Variants in ITPR2 observed in about 807,000 individuals in gnomAD.
ITPR2 encodes the protein inositol 1,4,5-trisphosphate receptor type 2, also known as inositol 1,4,5-trisphosphate-gated calcium channel ITPR2.
In ITPR2, 207 loss-of-function variants were observed where a neutral mutation model predicts 317.1. That is an observed-to-expected ratio of 0.65 (90% confidence interval 0.58 to 0.73). ITPR2 has a LOEUF of 0.73. ITPR2 is among the 30% of genes least tolerant of loss of function. The probability of loss-of-function intolerance (pLI) is 0.00; values close to 1 mark genes in which losing one functional copy is unlikely to be tolerated. For missense variants in ITPR2, 2,613 were observed against 3,284.0 expected, an observed-to-expected ratio of 0.80 and a Z score of 4.99; for synonymous variants, 1,156 against 1,149.1, an observed-to-expected ratio of 1.01 and a Z score of -0.12.
intron 21 of ITPR2, among the ~76,000 whole-genome samples, chr12:26,647,898 G>A (rs775426807): frequency 3.3e-5 from 5 of 152,098 alleles, no homozygotes; most frequent in Non-Finnish European, 5.9e-5. Flanking sequence ...TTTTCTGAAC[G>A]GACCACCTTT....
chr12:26,443,480 T>C, intron 46 of ITPR2, 63 bp downstream of exon 46: 1 of 1,309,810 alleles, frequency 7.6e-7, no homozygotes, highest in Non-Finnish European at 1.1e-6. Context: ...GAAAATGGTC[T>C]AAAATAGGAA....
At chr12:26,583,349 G>A (rs1591927506) in intron 32 of ITPR2, among the ~76,000 whole-genome samples, 2 of 152,054 alleles carry the variant, frequency 1.3e-5, no homozygotes, top group African/African-American at 2.4e-5. Flanking sequence ...TGCACATTTA[G>A]TATGAGTTTA....
At position 26,624,642 on chromosome 12, in the gene ITPR2, G is replaced by C. The variant is rs561154312; in HGVS notation, c.3065-286C>G. ...TACAATGAGATATCATCTCACCCCA[G>C]TTAAAATGACTTTTATCCAACAAAC... On this transcript the variant is annotated intron_variant, in intron 23 of 56. Coordinates refer to ENST00000381340, the MANE Select transcript of ITPR2 (RefSeq NM_002223.4). Among the ~76,000 whole-genome samples, 9 of 152,228 alleles carry C rather than the reference G, an allele frequency of 5.9e-5. No individual in the cohort carries two copies. The East Asian group carries it at 1.7e-3, about 29-fold the overall frequency.
intron 37 of ITPR2, among the ~76,000 whole-genome samples, chr12:26,527,424 T>C (rs539638226): frequency 1.9e-4 from 29 of 152,366 alleles, no homozygotes; most frequent in African/African-American, 6.5e-4. Context: ...ACACCACCAA[T>C]CAGTATAGTT....
intron 37 of ITPR2, among the ~76,000 whole-genome samples, chr12:26,501,784 G>A (rs950931530): frequency 5.9e-5 from 9 of 152,200 alleles, no homozygotes; most frequent in African/African-American, 2.2e-4. Context: ...TTTCTACCAT[G>A]TGTCAGGAAG....
intron 2 of ITPR2, among the ~76,000 whole-genome samples, chr12:26,754,534 G>A (rs1366203768): frequency 3.3e-5 from 5 of 152,204 alleles, no homozygotes; most frequent in South Asian, 2.1e-4. Context: ...TTTTACATGC[G>A]AGGTGTATAA....
chr12:26,564,838 T>C (rs1479588446), intron 34 of ITPR2, among the ~76,000 whole-genome samples: 1 of 152,206 alleles, frequency 6.6e-6, no homozygotes, highest in Non-Finnish European at 1.5e-5. Flanking sequence ...CTCCAAATTG[T>C]GAGACACTAA....
chr12:26,490,876 AC>A (rs1160859180), intron 39 of ITPR2, among the ~76,000 whole-genome samples: 4 of 152,246 alleles, frequency 2.6e-5, no homozygotes, highest in Non-Finnish European at 5.9e-5. Context: ...ACAGGTTATA[AC>A]AGGGGCACAT....
intron 55 of ITPR2, among the ~76,000 whole-genome samples, chr12:26,349,823 G>A (rs964036413): frequency 6.6e-6 from 1 of 152,208 alleles, no homozygotes; most frequent in Non-Finnish European, 1.5e-5. Flanking sequence ...ATTTAATCTA[G>A]TCATTGCTCC....
At chr12:26,769,026 C>CACACACACACACACACA (rs201911951) in intron 2 of ITPR2, among the ~76,000 whole-genome samples, 5 of 149,734 alleles carry the variant, frequency 3.3e-5, no homozygotes, top group Non-Finnish European at 4.4e-5. Context: ...CACACACACA[C>CACACACACACACACACA]CCCAATCTCA....
chr12:26,677,407 C>G (rs1267828538), intron 13 of ITPR2, among the ~76,000 whole-genome samples: 1 of 152,032 alleles, frequency 6.6e-6, no homozygotes, highest in African/African-American at 2.4e-5. Flanking sequence ...TCAGATTAGC[C>G]TGGGCAACAC....
chr12:26,380,455 T>C (rs1444888147), intron 55 of ITPR2, among the ~76,000 whole-genome samples: 2 of 151,992 alleles, frequency 1.3e-5, no homozygotes, highest in Non-Finnish European at 1.5e-5. Flanking sequence ...GAAGTGAGGG[T>C]GGTATCTCCC....
chr12:26,490,115 A>G (rs1042345837), intron 39 of ITPR2, among the ~76,000 whole-genome samples: 1 of 152,358 alleles, frequency 6.6e-6, no homozygotes, highest in Non-Finnish European at 1.5e-5. Context: ...TCATCAAAAA[A>G]TATTTGTTGA....
chr12:26,725,781 A>G lies in ITPR2; in HGVS notation c.164-16T>C. ...AAAAGGCAGTCTGTGACAAACCAAC[A>G]TACAAAAACACTGTAACTAAGGCTA... is the stretch of plus-strand genomic sequence containing the variant. On this transcript the variant is annotated splice_polypyrimidine_tract_variant and intron_variant, in intron 2 of 56. Coordinates refer to ENST00000381340, the MANE Select transcript of ITPR2 (RefSeq NM_002223.4). 6.6e-7 allele frequency: 1 copy of G among 1,514,802 alleles called. No homozygotes were observed. The highest frequency in any genetic ancestry group is 9.2e-7 in the Non-Finnish European group (1 of 1,090,314). 93.8% of individuals were successfully genotyped at this position (1,514,802 alleles called of 1,614,324 possible).
At chr12:26,760,329 G>T (rs1358732665) in intron 2 of ITPR2, among the ~76,000 whole-genome samples, 1 of 152,054 alleles carries the variant, frequency 6.6e-6, no homozygotes, top group Non-Finnish European at 1.5e-5. Context: ...CAATAAATGT[G>T]CTAGTTACTT....
chr12:26,437,202 C>T (rs1165452069), intron 47 of ITPR2, among the ~76,000 whole-genome samples: 8 of 152,156 alleles, frequency 5.3e-5, no homozygotes, highest in Admixed American at 5.2e-4. Context: ...TCCTATAGGC[C>T]TTGTCCATTC....
intron 2 of ITPR2, among the ~76,000 whole-genome samples, chr12:26,772,999 G>A (rs1949899893): frequency 6.6e-6 from 1 of 152,032 alleles, no homozygotes; most frequent in East Asian, 1.9e-4. Flanking sequence ...GTGAGAACAT[G>A]TGGTGTTTGG....
intron 55 of ITPR2, among the ~76,000 whole-genome samples, chr12:26,353,303 T>C (rs1018958888): frequency 6.6e-6 from 1 of 152,246 alleles, no homozygotes; most frequent in African/African-American, 2.4e-5. Context: ...ATGAAAAGCC[T>C]GTTACATCAA....
chr12:26,627,527 C>A (rs535408222), intron 23 of ITPR2: 1 of 152,656 alleles, frequency 6.6e-6, no homozygotes, highest in Non-Finnish European at 1.5e-5. Context: ...TAGCAACAAA[C>A]GACAGCAAAC....
Sources: gnomAD v4.1 joint callset for allele counts (sites outside exome capture counted in the v4.1 genomes callset) on GRCh38, gnomAD v4.1.1 for gene constraint, MANE v1.5 for transcripts, NCBI Gene and HGNC (gene_info 2026-07-23, HGNC 2026-07-21) for gene names.